Variants in NELL1 observed in about 807,000 individuals in gnomAD.
NELL1 encodes neural EGFL like 1.
A neutral mutation model predicts 107.4 loss-of-function variants in NELL1; 76 were observed. The ratio of observed to expected loss-of-function variants is 0.71; its 90% CI spans 0.59 to 0.86. The LOEUF (loss-of-function observed/expected upper bound fraction) is 0.86, where lower values mean the gene tolerates loss of function less well. Ranked by LOEUF, NELL1 falls within the 40% of genes least tolerant of loss-of-function variation. The pLI, the probability that NELL1 is intolerant of heterozygous loss-of-function variation, is 0.00. For missense variants in NELL1, 1,024 were observed against 1,005.5 expected (o/e 1.02, Z -0.25); for synonymous variants, 353 against 341.2 (o/e 1.03, Z -0.38).
chr11:20,863,094 C>T (rs984531604), intron 4 of NELL1, among the ~76,000 whole-genome samples: 3 of 152,214 alleles, frequency 2.0e-5, no homozygotes, highest in Non-Finnish European at 4.4e-5. Flanking sequence ...CATCATGGCC[C>T]GTTCTCAGTG....
At chr11:21,343,461 G>T (rs1850619883) in intron 14 of NELL1, among the ~76,000 whole-genome samples, 1 of 151,972 alleles carries the variant, frequency 6.6e-6, no homozygotes, top group South Asian at 2.1e-4. Flanking sequence ...CCTTTGGAAA[G>T]CTTAGGTACC....
intron 3 of NELL1, among the ~76,000 whole-genome samples, chr11:20,822,225 G>T (rs1857771709): frequency 6.6e-6 from 1 of 152,190 alleles, no homozygotes; most frequent in Non-Finnish European, 1.5e-5. Context: ...ACACGCAGAA[G>T]TTGAAGAGGT....
chr11:21,038,836 T>G, intron 12 of NELL1, among the ~76,000 whole-genome samples: 1 of 152,236 alleles, frequency 6.6e-6, no homozygotes, highest in East Asian at 1.9e-4. Context: ...GTAAATCAAC[T>G]ATGTCACTAA....
intron 3 of NELL1, among the ~76,000 whole-genome samples, chr11:20,795,518 G>A (rs977406184): frequency 2.0e-5 from 3 of 152,176 alleles, no homozygotes; most frequent in Non-Finnish European, 2.9e-5. Context: ...GGATTCAAAT[G>A]TGTTAATATA....
chr11:21,020,425 G>A (rs527345979), intron 12 of NELL1, among the ~76,000 whole-genome samples: 2 of 152,178 alleles, frequency 1.3e-5, no homozygotes, highest in Admixed American at 6.5e-5. Flanking sequence ...TAATAGAACC[G>A]TATATGCTCT....
chr11:20,890,357 G>C (rs10766741), intron 5 of NELL1, among the ~76,000 whole-genome samples: 4 of 151,838 alleles, frequency 2.6e-5, no homozygotes, highest in Admixed American at 2.0e-4. Flanking sequence ...CCCATCCAAA[G>C]GTCAGCAGCC....
intron 15 of NELL1, among the ~76,000 whole-genome samples, chr11:21,497,280 C>T (rs575467955): frequency 6.6e-6 from 1 of 152,134 alleles, no homozygotes; most frequent in South Asian, 2.1e-4. Context: ...ACGTTGTGCA[C>T]ATGTACCCTA....
chr11:20,669,636 G>A lies in NELL1; in HGVS notation c.-88G>A. 1 of 1,191,758 alleles carries A rather than the reference G, an allele frequency of 8.4e-7. No homozygotes were observed. Among genetic ancestry groups the A allele is most frequent in the South Asian group, 1.3e-5 (1 of 78,350 alleles). 73.8% of individuals were successfully genotyped at this position (1,191,758 alleles called of 1,614,324 possible). A position where few individuals can be genotyped will look rare whatever the true frequency, so the allele number is the denominator to read the frequency against. The stretch of plus-strand genomic sequence containing the variant: ...CCGCCGCCCGCTAGCAAGTTTGGCG[G>A]CTCCAAGCCAGGCGCGCCTCAGGAT... On this transcript the variant is annotated 5_prime_UTR_variant, in exon 1 of 20. Transcript: ENST00000357134. This position sits in a 1 kb window ranked among gnomAD's most constrained non-coding sequence, Gnocchi z 4.4.
intron 15 of NELL1, among the ~76,000 whole-genome samples, chr11:21,522,936 C>T (rs1171813859): frequency 6.7e-5 from 10 of 149,274 alleles, no homozygotes; most frequent in Admixed American, 1.3e-4. Context: ...GCTCTGCCTC[C>T]CGGGTTCACG....
At chr11:21,427,055 C>A (rs572830607) in intron 15 of NELL1, among the ~76,000 whole-genome samples, 2 of 152,036 alleles carry the variant, frequency 1.3e-5, no homozygotes, top group Non-Finnish European at 2.9e-5. Context: ...GCTGGTGGTG[C>A]GTGGGCCTGG....
chr11:21,545,467 G>A (rs1045419287), intron 16 of NELL1, among the ~76,000 whole-genome samples: 1 of 151,944 alleles, frequency 6.6e-6, no homozygotes, highest in Non-Finnish European at 1.5e-5. Context: ...TGAAGAGTAA[G>A]AGTTGGGTAA....
At chr11:21,346,594 T>C (rs773932441) in intron 14 of NELL1, among the ~76,000 whole-genome samples, 30 of 148,068 alleles carry the variant, frequency 2.0e-4, no homozygotes, top group South Asian at 1.5e-3. Context: ...ATATAATATA[T>C]AATGTATGAT....
intron 12 of NELL1, among the ~76,000 whole-genome samples, chr11:21,107,416 T>C (rs543810752): frequency 8.5e-5 from 13 of 152,294 alleles, no homozygotes; most frequent in African/African-American, 3.1e-4. Context: ...TTATAGCTCA[T>C]GATCTCTGCA....
intron 15 of NELL1, among the ~76,000 whole-genome samples, chr11:21,480,758 A>C (rs1396411215): frequency 6.6e-6 from 1 of 152,224 alleles, no homozygotes; most frequent in East Asian, 1.9e-4. Flanking sequence ...GGGGCAAAGA[A>C]GCCTTTCAGG....
intron 9 of NELL1, among the ~76,000 whole-genome samples, chr11:20,933,393 T>C (rs1013244305): frequency 6.6e-6 from 1 of 152,144 alleles, no homozygotes; most frequent in African/African-American, 2.4e-5. Context: ...ACGGTGTGAT[T>C]AACAGAAATA....
chr11:20,743,715 ATCT>A (rs1179033498), intron 2 of NELL1, among the ~76,000 whole-genome samples: 1 of 152,134 alleles, frequency 6.6e-6, no homozygotes, highest in Non-Finnish European at 1.5e-5. Flanking sequence ...GCTCTGTCTC[ATCT>A]TCTCCACCTC....
chr11:21,053,423 A>G (rs1056243962), intron 12 of NELL1, among the ~76,000 whole-genome samples: 1 of 152,088 alleles, frequency 6.6e-6, no homozygotes, highest in South Asian at 2.1e-4. Flanking sequence ...TTCCAGCTTC[A>G]TCCATGTCTC....
chr11:21,174,542 A>G (rs1462856797), intron 13 of NELL1, among the ~76,000 whole-genome samples: 1 of 151,840 alleles, frequency 6.6e-6, no homozygotes, highest in East Asian at 1.9e-4. Context: ...TATCTTGAAC[A>G]GTAGAAGTGA....
chr11:20,988,331 G>C (rs75865873), intron 12 of NELL1, among the ~76,000 whole-genome samples: 2,332 of 151,600 alleles, frequency 0.015, 54 homozygotes, highest in African/African-American at 0.053. Flanking sequence ...CCATCTGCTT[G>C]TAGATAATGG....
Sources: allele counts gnomAD v4.1 joint callset (sites outside exome capture counted in the v4.1 genomes callset), GRCh38; gene constraint gnomAD v4.1.1; non-coding constraint Gnocchi (gnomAD v3.1); transcripts MANE v1.5; gene names NCBI Gene and HGNC (gene_info 2026-07-23, HGNC 2026-07-21).